Variants in HECW1 observed in about 807,000 individuals in gnomAD.
The protein encoded by HECW1 is HECT, C2 and WW domain containing E3 ubiquitin protein ligase 1, also known as E3 ubiquitin-protein ligase HECW1.
Under a neutral mutation model 182.3 loss-of-function variants are expected in HECW1, and 61 were observed. The ratio of observed to expected loss-of-function variants is 0.33; its 90% CI spans 0.27 to 0.41. The LOEUF (loss-of-function observed/expected upper bound fraction) is 0.41. HECW1 is among the 10% of genes least tolerant of loss of function. The pLI is 1.00. For synonymous variants in HECW1, 859 were observed against 832.6 expected, an observed-to-expected ratio of 1.03 and a Z score of -0.55; for missense variants, 1,739 against 2,108.9, an observed-to-expected ratio of 0.82 and a Z score of 3.44.
At chr7:43,278,824 C>T (rs1202602786) in intron 3 of HECW1, among the ~76,000 whole-genome samples, 13 of 152,290 alleles carry the variant, frequency 8.5e-5, no homozygotes, top group Admixed American at 2.0e-4. Flanking sequence ...CAACCACCCA[C>T]GCTCCCTAAC....
intron 24 of HECW1, among the ~76,000 whole-genome samples, chr7:43,538,205 G>A (rs981640691): frequency 6.6e-6 from 1 of 152,198 alleles, no homozygotes; most frequent in African/African-American, 2.4e-5. Context: ...AACCACAGGA[G>A]GTGTTGGCAG....
At chr7:43,351,764 T>C (rs967656027) in intron 5 of HECW1, among the ~76,000 whole-genome samples, 2 of 151,514 alleles carry the variant, frequency 1.3e-5, no homozygotes, top group Admixed American at 1.3e-4. Context: ...AAATGAAAAC[T>C]TGTAGAAATC....
chr7:43,348,024 C>G (rs1023724544), intron 5 of HECW1, among the ~76,000 whole-genome samples: 2 of 152,128 alleles, frequency 1.3e-5, no homozygotes, highest in Non-Finnish European at 2.9e-5. Flanking sequence ...TAGGGTAATG[C>G]TGGCTTCACA....
intron 2 of HECW1, among the ~76,000 whole-genome samples, chr7:43,170,188 T>A (rs1313988530): frequency 6.6e-6 from 1 of 152,124 alleles, no homozygotes; most frequent in African/African-American, 2.4e-5. Context: ...ATGCAAGGGA[T>A]CTAGGTTGTG....
chr7:43,264,818 C>G (rs944509923), intron 3 of HECW1, among the ~76,000 whole-genome samples: 3 of 143,858 alleles, frequency 2.1e-5, no homozygotes, highest in Non-Finnish European at 3.0e-5. Context: ...CACTCCAGCC[C>G]GGGCGACAGA....
chr7:43,176,563 G>T (rs1480849858), intron 2 of HECW1, among the ~76,000 whole-genome samples: 4 of 152,292 alleles, frequency 2.6e-5, no homozygotes, highest in Non-Finnish European at 4.4e-5. Context: ...TTCACACAGT[G>T]GGGGGCTCAC....
At chr7:43,187,034 A>G (rs941126550) in intron 2 of HECW1, among the ~76,000 whole-genome samples, 3 of 152,130 alleles carry the variant, frequency 2.0e-5, no homozygotes, top group African/African-American at 7.3e-5. Context: ...GCTCTGCCTC[A>G]GTCTCTCATG....
At chr7:43,539,489 T>C (rs2081289672) in intron 24 of HECW1, among the ~76,000 whole-genome samples, 1 of 152,264 alleles carries the variant, frequency 6.6e-6, no homozygotes, top group African/African-American at 2.4e-5. Flanking sequence ...CCTGAATAAA[T>C]TTGAATAATT....
At chr7:43,356,200 T>C (rs1815112429) in intron 5 of HECW1, among the ~76,000 whole-genome samples, 1 of 152,128 alleles carries the variant, frequency 6.6e-6, no homozygotes, top group Non-Finnish European at 1.5e-5. Context: ...ACTGAAAGTA[T>C]TGAGGTGGAA....
chr7:43,253,919 A>G (rs1800297408), intron 3 of HECW1, among the ~76,000 whole-genome samples: 1 of 152,174 alleles, frequency 6.6e-6, no homozygotes. Context: ...AGAAAAAAAA[A>G]AAGACAGATA....
Position 43,320,750 on chromosome 7 carries a change from C to G in HECW1, c.460+8C>G, listed in dbSNP as rs750268675. ...GCTCGTACTTTGTGGAACGTGAGTA[C>G]CTTTACCATTCTTGTGGCTTGGCAG... On this transcript the variant is annotated splice_region_variant and intron_variant, in intron 5 of 29. Transcript: ENST00000395891. The G allele has an allele frequency of 1.8e-5, 29 of 1,595,562 alleles. No homozygotes were observed. In the South Asian group the frequency reaches 3.2e-4, roughly 18 times the overall value.
chr7:43,537,796 T>TTA (rs1554462634), intron 24 of HECW1, among the ~76,000 whole-genome samples: 15 of 152,048 alleles, frequency 9.9e-5, no homozygotes, highest in African/African-American at 3.6e-4. Context: ...TTATTTTTTT[T>TTA]AAAAAAGCTA....
At chr7:43,508,886 G>A in intron 23 of HECW1, 83 bp from the exon 24 acceptor site, 2 of 1,460,510 alleles carry the variant, frequency 1.4e-6, no homozygotes, top group Non-Finnish European at 1.9e-6. Flanking sequence ...AACTCTGAAA[G>A]GGCACACTAG....
At position 43,565,002 on chromosome 7, in the gene HECW1, CAG is replaced by C. The variant is rs1259394909; in HGVS notation, c.*3077_*3078del. On this transcript the variant is annotated 3_prime_UTR_variant, in exon 30 of 30. Transcript: ENST00000395891. ...TTAGTAAGAGTGTAACGCCTTTAAT[CAG>C]GGGACAAACAAGAACAATAAATAAG... 5.3e-6 allele frequency: 1 copy of C among 187,008 alleles called. No homozygotes were observed. The highest frequency in any genetic ancestry group is 1.1e-5 in the Non-Finnish European group (1 of 88,752). 11.6% of individuals were successfully genotyped at this position (187,008 alleles called of 1,614,324 possible). A position where few individuals can be genotyped will look rare whatever the true frequency, so the allele number is the denominator to read the frequency against.
chr7:43,225,841 G>A (rs1210576299), intron 2 of HECW1, among the ~76,000 whole-genome samples: 2 of 152,038 alleles, frequency 1.3e-5, no homozygotes, highest in African/African-American at 2.4e-5. Context: ...CTGGAATGCA[G>A]TAGTATGATC....
intron 3 of HECW1, among the ~76,000 whole-genome samples, chr7:43,256,625 A>G (rs927869091): frequency 3.3e-5 from 5 of 151,872 alleles, no homozygotes; most frequent in African/African-American, 1.2e-4. Flanking sequence ...AAAAAAAAAA[A>G]AGAAAAGAAA....
chr7:43,410,045 CG>C (rs1562945292), intron 8 of HECW1, among the ~76,000 whole-genome samples: 2 of 152,164 alleles, frequency 1.3e-5, no homozygotes, highest in African/African-American at 4.8e-5. Flanking sequence ...CCCAGCTCTC[CG>C]GGCCTGCCAC....
At chr7:43,251,526 G>C (rs1171517190) in intron 3 of HECW1, among the ~76,000 whole-genome samples, 1 of 152,166 alleles carries the variant, frequency 6.6e-6, no homozygotes, top group Non-Finnish European at 1.5e-5. Context: ...ATGTTGGCCA[G>C]GCTGGTCTCG....
chr7:43,356,959 C>T (rs1214806766), intron 5 of HECW1, among the ~76,000 whole-genome samples: 4 of 152,024 alleles, frequency 2.6e-5, no homozygotes, highest in Non-Finnish European at 5.9e-5. Flanking sequence ...TAAAAGAAGA[C>T]AGACAAATGG....
Sources: allele counts gnomAD v4.1 joint callset (sites outside exome capture counted in the v4.1 genomes callset), GRCh38; gene constraint gnomAD v4.1.1; transcripts MANE v1.5; gene names NCBI Gene and HGNC (gene_info 2026-07-23, HGNC 2026-07-21).